Variants in EYS observed in about 807,000 individuals in gnomAD.
The protein encoded by EYS is EGF-like photoreceptor maintenance factor, also known as protein eyes shut homolog.
In EYS, 250 loss-of-function variants were observed where a neutral mutation model predicts 282.1. That is an observed-to-expected ratio of 0.89 (90% CI 0.80 to 0.98). The LOEUF is 0.98. Among genes scored for constraint, EYS ranks in the 50% least tolerant of loss-of-function variants. The pLI, the probability that EYS is intolerant of heterozygous loss-of-function variation, is 0.00. For missense variants in EYS, 4,016 were observed against 3,709.0 expected, an observed-to-expected ratio of 1.08 and a Z score of -2.15; for synonymous variants, 1,355 against 1,282.9, an observed-to-expected ratio of 1.06 and a Z score of -1.20.
At chr6:64,979,895 A>G (rs1189680634) in intron 14 of EYS, among the ~76,000 whole-genome samples, 1 of 151,548 alleles carries the variant, frequency 6.6e-6, no homozygotes, top group East Asian at 1.9e-4. Flanking sequence ...AGTTGGACAA[A>G]TTATTTTTAG....
chr6:64,281,160 G>T (rs942420522), intron 30 of EYS, among the ~76,000 whole-genome samples: 1 of 151,918 alleles, frequency 6.6e-6, no homozygotes, highest in East Asian at 1.9e-4. Flanking sequence ...CCTTTAATTG[G>T]CTTTACCATT....
At chr6:64,646,728 C>T (rs1485940125) in intron 22 of EYS, among the ~76,000 whole-genome samples, 1 of 151,876 alleles carries the variant, frequency 6.6e-6, no homozygotes, top group East Asian at 1.9e-4. Flanking sequence ...TGGCGTGAAC[C>T]CGGGAGGTGG....
chr6:64,204,871 T>C (rs917623519), intron 31 of EYS, among the ~76,000 whole-genome samples: 2 of 152,168 alleles, frequency 1.3e-5, no homozygotes, highest in East Asian at 3.8e-4. Flanking sequence ...CAAGCAAATA[T>C]TGAGCTCCAT....
At chr6:65,264,513 T>G (rs1767701306) in intron 12 of EYS, among the ~76,000 whole-genome samples, 1 of 152,132 alleles carries the variant, frequency 6.6e-6, no homozygotes, top group Non-Finnish European at 1.5e-5. Flanking sequence ...TTGTCTCTCC[T>G]TAAATAATCA....
chr6:64,514,782 G>T (rs1216265305), intron 26 of EYS, among the ~76,000 whole-genome samples: 1 of 151,820 alleles, frequency 6.6e-6, no homozygotes, highest in African/African-American at 2.4e-5. Context: ...GCTACAGAGA[G>T]AGGAGAATTT....
At chr6:65,423,332 T>C (rs1767537305) in intron 5 of EYS, among the ~76,000 whole-genome samples, 2 of 151,912 alleles carry the variant, frequency 1.3e-5, no homozygotes, top group South Asian at 4.1e-4. Context: ...ATACATGTAA[T>C]TAAACCATGC....
intron 36 of EYS, among the ~76,000 whole-genome samples, chr6:63,827,324 TG>T (rs542849074): frequency 3.2e-4 from 49 of 152,194 alleles, no homozygotes; most frequent in Middle Eastern, 6.8e-3. Context: ...ACAATAATAG[TG>T]GGGGACTTCA....
chr6:64,243,544 A>T (rs973551518), intron 30 of EYS, among the ~76,000 whole-genome samples: 1 of 152,196 alleles, frequency 6.6e-6, no homozygotes, highest in African/African-American at 2.4e-5. Context: ...TAGGGGAAAA[A>T]GGAAGCATCG....
chr6:63,757,657 C>T (rs951476114), intron 41 of EYS, among the ~76,000 whole-genome samples: 6 of 151,984 alleles, frequency 3.9e-5, no homozygotes, highest in Non-Finnish European at 5.9e-5. Context: ...CCCCAGTGGC[C>T]CAGCTGTAAA....
intron 30 of EYS, among the ~76,000 whole-genome samples, chr6:64,297,675 G>T (rs1407064103): frequency 6.6e-6 from 1 of 152,086 alleles, no homozygotes; most frequent in Non-Finnish European, 1.5e-5. Flanking sequence ...TGACAAAACA[G>T]TCCTTTCAGA....
chr6:64,302,192 C>G (rs1238204844), intron 30 of EYS, among the ~76,000 whole-genome samples: 1 of 152,124 alleles, frequency 6.6e-6, no homozygotes, highest in Non-Finnish European at 1.5e-5. Flanking sequence ...TTGACCAAGC[C>G]ACCCAATCAC....
intron 32 of EYS, among the ~76,000 whole-genome samples, chr6:64,075,937 G>A (rs1470512344): frequency 6.6e-6 from 1 of 151,914 alleles, no homozygotes; most frequent in Non-Finnish European, 1.5e-5. Flanking sequence ...ACCAAATTCT[G>A]ACACTGTCTG....
At chr6:64,504,417 C>G (rs1777148863) in intron 26 of EYS, among the ~76,000 whole-genome samples, 1 of 152,130 alleles carries the variant, frequency 6.6e-6, no homozygotes, top group Admixed American at 6.5e-5. Context: ...TAGAATTTAG[C>G]ATGAAGAAAA....
intron 30 of EYS, among the ~76,000 whole-genome samples, chr6:64,285,796 C>T (rs536677378): frequency 6.6e-6 from 1 of 152,168 alleles, no homozygotes; most frequent in Non-Finnish European, 1.5e-5. Context: ...AAGTGGAAAC[C>T]CCTGATAAAC....
At chr6:63,758,408 T>C (rs1367680523) in intron 41 of EYS, among the ~76,000 whole-genome samples, 3 of 152,300 alleles carry the variant, frequency 2.0e-5, no homozygotes, top group Middle Eastern at 3.4e-3. Flanking sequence ...AAAATATCTA[T>C]GTGAACATGG....
chr6:64,199,622 C>G (rs913893870), intron 31 of EYS, among the ~76,000 whole-genome samples: 1 of 152,024 alleles, frequency 6.6e-6, no homozygotes, highest in Non-Finnish European at 1.5e-5. Context: ...AAAGAAACCA[C>G]CATCAGAGTG....
At chr6:64,450,398 C>A (rs149441074) in intron 26 of EYS, among the ~76,000 whole-genome samples, 3,329 of 152,164 alleles carry the variant, frequency 0.022, 137 homozygotes, top group African/African-American at 0.075. Context: ...GACTCCCACA[C>A]AATAATAATG....
At chr6:64,032,035 C>T (rs568307174) in intron 33 of EYS, among the ~76,000 whole-genome samples, 51 of 152,212 alleles carry the variant, frequency 3.4e-4, no homozygotes, top group Admixed American at 1.1e-3. Context: ...TAACACTCAC[C>T]ACGAAGGTCT....
At chr6:64,752,189 A>T (rs548243871) in intron 22 of EYS, among the ~76,000 whole-genome samples, 2 of 152,280 alleles carry the variant, frequency 1.3e-5, no homozygotes, top group South Asian at 2.1e-4. Context: ...AAATAATTCA[A>T]AATGTGATTT....
Sources: allele counts gnomAD v4.1 joint callset (sites outside exome capture counted in the v4.1 genomes callset), GRCh38; gene constraint gnomAD v4.1.1; transcripts MANE v1.5; gene names NCBI Gene and HGNC (gene_info 2026-07-23, HGNC 2026-07-21).